The following CNGB3 variants were observed in gnomAD, a reference collection of about 807,000 sequenced individuals.
The protein encoded by CNGB3 is cyclic nucleotide gated channel subunit beta 3, also known as cyclic nucleotide-gated channel beta-3.
A neutral mutation model predicts 92.8 loss-of-function variants in CNGB3; 86 were observed. That is an observed-to-expected ratio of 0.93 (90% CI 0.78 to 1.11). The LOEUF is 1.11. Among genes scored for constraint, CNGB3 ranks in the 50% least tolerant of loss-of-function variants. The pLI is 0.00. For missense variants in CNGB3, 1,026 were observed against 956.8 expected, an observed-to-expected ratio of 1.07 and a Z score of -0.95; for synonymous variants, 333 against 332.7, an observed-to-expected ratio of 1.00 and a Z score of -0.01.
intron 3 of CNGB3, among the ~76,000 whole-genome samples, chr8:86,690,943 G>C (rs980591302): frequency 6.6e-6 from 1 of 152,178 alleles, no homozygotes; most frequent in Non-Finnish European, 1.5e-5. Flanking sequence ...CCAGTACCAT[G>C]CTGTTTTGGT....
Position 86,739,640 on chromosome 8 carries a change from A to C in CNGB3, c.211+15T>G, listed in dbSNP as rs1471220581. 2.7e-6 allele frequency: 4 copies of C among 1,467,180 alleles called. No individual in the cohort carries two copies. The highest frequency in any genetic ancestry group is 2.3e-5 in the Admixed American group (1 of 44,354). The allele number at this position is 1,467,180 out of a possible 1,614,324, so 90.9% of individuals were successfully genotyped here. A position where few individuals can be genotyped will look rare whatever the true frequency, so the allele number is the denominator to read the frequency against. On this transcript the variant is annotated intron_variant, in intron 2 of 17. Transcript: ENST00000320005. ...TTTTAGTTTTTTTTTTTTTTTTTTC[A>C]GACTGCATTCTGACCTTGTATGTTG...
intron 15 of CNGB3, among the ~76,000 whole-genome samples, chr8:86,587,824 C>A (rs2131542585): frequency 6.6e-6 from 1 of 151,770 alleles, no homozygotes; most frequent in Non-Finnish European, 1.5e-5. Context: ...GATGCGGGCT[C>A]TTTTTTGGTT....
intron 6 of CNGB3, 53 bp downstream of exon 6, chr8:86,666,872 C>T: frequency 7.1e-7 from 1 of 1,404,558 alleles, no homozygotes; most frequent in East Asian, 2.3e-5. Context: ...TTTTTGTAGC[C>T]CAATTAGATG....
Position 86,739,671 on chromosome 8 carries a change from T to G in CNGB3, c.195A>C (p.Pro65=). 3 of 1,611,860 alleles carry G rather than the reference T, an allele frequency of 1.9e-6. No individual in the cohort carries two copies. The highest frequency in any genetic ancestry group is 2.5e-6 in the Non-Finnish European group (3 of 1,179,728). ...TKSTPVTSEE[P]HTNIQDKLSK... is the part of the protein sequence containing the mutation. ...CATTCTGACCTTGTATGTTGGTGTG[T>G]GGCTCTTCAGACGTGACTGGAGTTG... The change falls in exon 2 of 18, where the codon CCA becomes CCC. Residue 65 remains proline, a synonymous_variant. Transcript: ENST00000320005.
chr8:86,678,216 A>C (rs1022499044), intron 3 of CNGB3, among the ~76,000 whole-genome samples: 17 of 152,354 alleles, frequency 1.1e-4, no homozygotes, highest in African/African-American at 4.1e-4. Context: ...ATCTCACTTT[A>C]CATACATGAG....
intron 14 of CNGB3, among the ~76,000 whole-genome samples, chr8:86,605,599 A>AT: frequency 6.6e-6 from 1 of 152,354 alleles, no homozygotes; most frequent in South Asian, 2.1e-4. Context: ...TAAAAGATTT[A>AT]TTTTTTATTT....
chr8:86,698,637 A>G (rs766615710), intron 3 of CNGB3, among the ~76,000 whole-genome samples: 6 of 152,200 alleles, frequency 3.9e-5, no homozygotes, highest in Non-Finnish European at 5.9e-5. Flanking sequence ...TAAGATATAA[A>G]TTACCAAGAT....
chr8:86,588,646 A>G (rs1821950679), intron 15 of CNGB3, among the ~76,000 whole-genome samples: 1 of 149,362 alleles, frequency 6.7e-6, no homozygotes, highest in Admixed American at 6.6e-5. Context: ...ACATTTATTG[A>G]TTTGCATATA....
chr8:86,688,211 T>C (rs1824226150), intron 3 of CNGB3, among the ~76,000 whole-genome samples: 1 of 152,006 alleles, frequency 6.6e-6, no homozygotes, highest in Admixed American at 6.6e-5. Flanking sequence ...ACTGGGAAGA[T>C]TTTTATTGTG....
Position 86,643,866 on chromosome 8 carries a change from G to A in CNGB3, c.1063C>T (p.Arg355Ter), listed in dbSNP as rs764742792. ...ATAAACAGCAAGTATCCAGTTGTTC[G>A]AATAACTCTGTCAGAGAGAATAGAT... Reference protein sequence around the residue: ...MDKAYIYRVIRTTGYLLFILH... With the variant: ...MDKAYIYRVI Residue 355 changes from arginine (R) to a stop codon, truncating the protein, a stop_gained, in exon 10 of 18, where the codon CGA becomes TGA. Transcript: ENST00000320005. LOFTEE classifies it high-confidence loss of function. 8.1e-6 allele frequency: 13 copies of A among 1,604,956 alleles called. No individual in the cohort carries two copies. Among genetic ancestry groups the A allele is most frequent in the East Asian group, 6.7e-5 (3 of 44,702 alleles).
At chr8:86,608,371 G>T (rs1822451534) in intron 14 of CNGB3, among the ~76,000 whole-genome samples, 1 of 152,222 alleles carries the variant, frequency 6.6e-6, no homozygotes, top group African/African-American at 2.4e-5. Context: ...CCAGCGTCTG[G>T]GAAGACGCCC....
intron 3 of CNGB3, among the ~76,000 whole-genome samples, chr8:86,694,205 G>T (rs1436197488): frequency 2.0e-5 from 3 of 146,610 alleles, no homozygotes; most frequent in Non-Finnish European, 4.5e-5. Flanking sequence ...CCCGGACGGG[G>T]CGGCTGGCCG....
intron 12 of CNGB3, among the ~76,000 whole-genome samples, chr8:86,628,051 T>G (rs34238110): frequency 0.085 from 12,972 of 152,222 alleles, 613 homozygotes; most frequent in African/African-American, 0.12. Flanking sequence ...CTAGTTTATT[T>G]TAAGAATATG....
intron 3 of CNGB3, chr8:86,704,484 G>A (rs1350437037): frequency 2.0e-5 from 3 of 152,202 alleles, no homozygotes; most frequent in African/African-American, 7.2e-5. Flanking sequence ...CTGTTAACTA[G>A]GGATGATAAA....
At chr8:86,611,733 C>A in intron 13 of CNGB3, 62 bp from the exon 14 acceptor site, 1 of 1,162,570 alleles carries the variant, frequency 8.6e-7, no homozygotes. Flanking sequence ...CAAATGAATT[C>A]AAAACTCAAT....
chr8:86,662,779 C>G (rs1823667983), intron 6 of CNGB3, among the ~76,000 whole-genome samples: 1 of 152,150 alleles, frequency 6.6e-6, no homozygotes, highest in African/African-American at 2.4e-5. Flanking sequence ...TGTTTCCCCC[C>G]TTTTTAAACC....
chr8:86,637,850 G>A (rs1216864597), intron 10 of CNGB3, among the ~76,000 whole-genome samples: 2 of 152,098 alleles, frequency 1.3e-5, no homozygotes, highest in Admixed American at 1.3e-4. Flanking sequence ...CATCACTTTA[G>A]AAAGTTCTCT....
intron 14 of CNGB3, among the ~76,000 whole-genome samples, chr8:86,609,414 G>A (rs746995281): frequency 6.6e-6 from 1 of 152,252 alleles, no homozygotes; most frequent in African/African-American, 2.4e-5. Context: ...ACTAATTTGT[G>A]TGGGATTGTA....
At chr8:86,699,366 A>C (rs1340142515) in intron 3 of CNGB3, among the ~76,000 whole-genome samples, 3 of 152,152 alleles carry the variant, frequency 2.0e-5, no homozygotes, top group Non-Finnish European at 4.4e-5. Flanking sequence ...GGCCAGGTGC[A>C]GTGGCTCATT....
Sources: allele counts gnomAD v4.1 joint callset (sites outside exome capture counted in the v4.1 genomes callset), GRCh38; gene constraint gnomAD v4.1.1; transcripts MANE v1.5; gene names NCBI Gene and HGNC (gene_info 2026-07-23, HGNC 2026-07-21).